Variants in KCNQ1 observed in about 807,000 individuals in gnomAD.
KCNQ1 encodes the protein potassium voltage-gated channel subfamily Q member 1, also known as potassium voltage-gated channel subfamily KQT member 1.
A neutral mutation model predicts 72.4 loss-of-function variants in KCNQ1; 49 were observed. The ratio of observed to expected loss-of-function variants is 0.68; its 90% CI spans 0.54 to 0.86. The LOEUF (loss-of-function observed/expected upper bound fraction) is 0.86. Among genes scored for constraint, KCNQ1 ranks in the 40% least tolerant of loss-of-function variants. KCNQ1 has a pLI of 0.00. For missense variants in KCNQ1, 790 were observed against 945.1 expected (o/e 0.84, Z 2.15); for synonymous variants, 450 against 412.6 (o/e 1.09, Z -1.10).
chr11:2,461,739 T>C (rs1374604807), intron 1 of KCNQ1: 2 of 1,365,062 alleles, frequency 1.5e-6, no homozygotes, highest in Admixed American at 1.9e-5. Context: ...GGTGGACAGA[T>C]AGGCAGAGGA....
chr11:2,658,550 G>T lies in KCNQ1; in HGVS notation c.1394-3411G>T. ...CTCATCTTTTATTTTCCCTACCCTA[G>T]CCCTAGAATCATCCATTCATCCAGA... On this transcript the variant is annotated intron_variant, in intron 10 of 15. Coordinates refer to ENST00000155840, the MANE Select transcript of KCNQ1 (RefSeq NM_000218.3). This position sits in a 1 kb window ranked among gnomAD's most constrained non-coding sequence, Gnocchi z 4.9. 2.6e-6 allele frequency: 1 copy of T among 387,186 alleles called. No homozygotes were observed. The highest frequency in any genetic ancestry group is 3.7e-5 in the East Asian group (1 of 27,318). The allele number at this position is 387,186 out of a possible 1,614,324, so 24.0% of individuals were successfully genotyped here. A position where few individuals can be genotyped will look rare whatever the true frequency, so the allele number is the denominator to read the frequency against.
chr11:2,689,305 C>T (rs1850549130), intron 11 of KCNQ1: 1 of 398,564 alleles, frequency 2.5e-6, no homozygotes, highest in Non-Finnish European at 4.4e-6. Context: ...CCCTAAGACT[C>T]AATGCCACCT....
intron 11 of KCNQ1, among the ~76,000 whole-genome samples, chr11:2,718,655 C>T (rs1007213442): frequency 2.6e-5 from 4 of 152,208 alleles, no homozygotes; most frequent in African/African-American, 9.7e-5. Context: ...CCCCAGCTGG[C>T]TCCGTACTAG....
At chr11:2,699,567 G>A (rs919259318) in intron 11 of KCNQ1, 15 of 307,018 alleles carry the variant, frequency 4.9e-5, no homozygotes, top group Non-Finnish European at 7.7e-5. Flanking sequence ...GGAGAACCAT[G>A]CTGAGGAGCC....
At chr11:2,607,365 ATG>A (rs762001518) in intron 10 of KCNQ1, among the ~76,000 whole-genome samples, 24 of 152,214 alleles carry the variant, frequency 1.6e-4, no homozygotes, top group East Asian at 1.5e-3. Context: ...TATAGACTGA[ATG>A]TGTGTGTTTC....
intron 15 of KCNQ1, among the ~76,000 whole-genome samples, chr11:2,795,472 A>G (rs757987843): frequency 1.3e-5 from 2 of 152,364 alleles, no homozygotes; most frequent in Middle Eastern, 3.4e-3. Flanking sequence ...ACCCAGTCAC[A>G]GAGCAATTGC....
At chr11:2,619,200 T>C (rs1481598298) in intron 10 of KCNQ1, 2 of 398,446 alleles carry the variant, frequency 5.0e-6, no homozygotes, top group African/African-American at 2.1e-5. Context: ...GTACTAGTAC[T>C]TCCAGTACTA....
Position 2,642,978 on chromosome 11 carries a change from C to G in KCNQ1, c.1394-18983C>G, listed in dbSNP as rs2133832039. The stretch of plus-strand genomic sequence containing the variant: ...TATTTATACAGTTTTGAATGCTCCT[C>G]TTATTTATTTATAGTTTTATGCTAT... On this transcript the variant is annotated intron_variant, in intron 10 of 15. Coordinates refer to ENST00000155840, the MANE Select transcript of KCNQ1 (RefSeq NM_000218.3). The surrounding 1 kb of genome is among the most constrained non-coding windows in gnomAD (Gnocchi z 4.3). 2.5e-6 allele frequency: 1 copy of G among 397,824 alleles called. No individual in the cohort carries two copies. Among genetic ancestry groups the G allele is most frequent in the South Asian group, 1.3e-4 (1 of 7,840 alleles). The allele number at this position is 397,824 out of a possible 1,614,324, so 24.6% of individuals were successfully genotyped here.
chr11:2,610,716 CTTTTTTTTTTTT>C (rs1167505141), intron 10 of KCNQ1: 3,489 of 226,484 alleles, frequency 0.015, no homozygotes, highest in Middle Eastern at 0.028. Flanking sequence ...TCTTGGTTGG[CTTTTTTTTTTTT>C]TTTTTTTTTT....
In KCNQ1 at chr11:2,701,849, C is replaced by T. The variant is rs372926417; in HGVS notation, c.1514+39768C>T. On this transcript the variant is annotated intron_variant, in intron 11 of 15. Transcript: ENST00000155840. The stretch of plus-strand genomic sequence containing the variant: ...AGTCCTGACCCTGGCCTGGACTCTG[C>T]AATGCAGAGATACCTGCAAGTCTCA... Among the ~76,000 whole-genome samples the T allele has an allele frequency of 3.3e-4, 50 of 152,316 alleles. 1 individual carries two copies. The highest frequency in any genetic ancestry group is 2.1e-3 in the East Asian group (11 of 5,182).
At chr11:2,794,066 G>A (rs993944655) in intron 15 of KCNQ1, among the ~76,000 whole-genome samples, 2 of 152,200 alleles carry the variant, frequency 1.3e-5, no homozygotes, top group African/African-American at 4.8e-5. Flanking sequence ...AGGCAGAGCT[G>A]GTGAGCGAGG....
intron 11 of KCNQ1, chr11:2,666,609 A>G: frequency 2.5e-6 from 1 of 398,678 alleles, no homozygotes; most frequent in African/African-American, 2.1e-5. Flanking sequence ...AATAAGGGCA[A>G]ACGTCACAAG....
At position 2,750,035 on chromosome 11, in the gene KCNQ1, G is replaced by T. The variant is rs1564880888; in HGVS notation, c.1515-18809G>T. On this transcript the variant is annotated intron_variant, in intron 11 of 15. Transcript: ENST00000155840. The surrounding 1 kb of genome is among the most constrained non-coding windows in gnomAD (Gnocchi z 6.3). ...TTGTGTGTAAATGAGTGAAAATGGG[G>T]TGAGAGGGAGGGAGTGGGAACAGCC... Among the ~76,000 whole-genome samples the T allele has an allele frequency of 6.6e-6, 1 of 152,138 alleles. No homozygotes were observed. Among genetic ancestry groups the T allele is most frequent in the African/African-American group, 2.4e-5 (1 of 41,410 alleles).
At position 2,734,612 on chromosome 11, in the gene KCNQ1, C is replaced by T. The variant is rs368249590; in HGVS notation, c.1515-34232C>T. ...TGGGTGGGGGATAACAGGGGTTTTC[C>T]GAGGCCCTGAAGGACTGGAGAGTAG... On this transcript the variant is annotated intron_variant, in intron 11 of 15. Coordinates refer to ENST00000155840, the MANE Select transcript of KCNQ1 (RefSeq NM_000218.3). The surrounding 1 kb of genome is among the most constrained non-coding windows in gnomAD (Gnocchi z 7.0). Among the ~76,000 whole-genome samples the T allele has an allele frequency of 6.7e-5, 10 of 150,064 alleles. No homozygotes were observed. The highest frequency in any genetic ancestry group is 1.3e-4 in the Admixed American group (2 of 14,962).
In KCNQ1 at chr11:2,479,559, G is replaced by A. The variant is rs1226879593; in HGVS notation, c.386+34075G>A. ...CTATGGCTAGAGCGGCTGGGACACAGGGCACCAAGTCCCTAGGCTGCACAC... is the reference window on the plus strand; with the variant it reads ...CTATGGCTAGAGCGGCTGGGACACAAGGCACCAAGTCCCTAGGCTGCACAC... On this transcript the variant is annotated intron_variant, in intron 1 of 15. Transcript: ENST00000155840. This position sits in a 1 kb window ranked among gnomAD's most constrained non-coding sequence, Gnocchi z 4.6. Among the ~76,000 whole-genome samples the A allele has an allele frequency of 6.6e-6, 1 of 152,200 alleles. No individual in the cohort carries two copies. The highest frequency in any genetic ancestry group is 2.4e-5 in the African/African-American group (1 of 41,450).
chr11:2,666,978 C>T (rs941144941), intron 11 of KCNQ1: 18 of 398,614 alleles, frequency 4.5e-5, no homozygotes, highest in Middle Eastern at 6.2e-4. Flanking sequence ...GGGGCCCGCC[C>T]GGGAGGGCTG....
intron 15 of KCNQ1, among the ~76,000 whole-genome samples, chr11:2,806,247 C>T (rs1847370820): frequency 6.6e-6 from 1 of 152,128 alleles, no homozygotes; most frequent in Admixed American, 6.5e-5. Flanking sequence ...GTGGTTCTTA[C>T]CTCCATAACA....
rs903640384 is a variant in KCNQ1 at position 2,663,108 on chromosome 11, A to G, written c.1514+1027A>G. 5.0e-6 allele frequency: 2 copies of G among 398,544 alleles called. No homozygotes were observed. Among genetic ancestry groups the G allele is most frequent in the African/African-American group, 2.1e-5 (1 of 48,600 alleles). The allele number at this position is 398,544 out of a possible 1,614,324, so 24.7% of individuals were successfully genotyped here. On this transcript the variant is annotated intron_variant, in intron 11 of 15. Coordinates refer to ENST00000155840, the MANE Select transcript of KCNQ1 (RefSeq NM_000218.3). The surrounding 1 kb of genome is among the most constrained non-coding windows in gnomAD (Gnocchi z 5.2). ...GGCCACCTCCAGGGAAGGAGTGGCT[A>G]TCTTAAGGGGTAATTATGATCAGAC...
Position 2,661,807 on chromosome 11 carries a change from C to T in KCNQ1, c.1394-154C>T, listed in dbSNP as rs1490786693. ...GGGGCCATCTTAAACACCCACCCAC[C>T]CCAACACCCAACTATAAAACTGATT... On this transcript the variant is annotated intron_variant, in intron 10 of 15. Coordinates refer to ENST00000155840, the MANE Select transcript of KCNQ1 (RefSeq NM_000218.3). This position sits in a 1 kb window ranked among gnomAD's most constrained non-coding sequence, Gnocchi z 5.9. The T allele has an allele frequency of 1.1e-6, 1 of 908,852 alleles. No individual in the cohort carries two copies. Among genetic ancestry groups the T allele is most frequent in the Admixed American group, 2.0e-5 (1 of 50,160 alleles). 56.3% of individuals were successfully genotyped at this position (908,852 alleles called of 1,614,324 possible). A position where few individuals can be genotyped will look rare whatever the true frequency, so the allele number is the denominator to read the frequency against.
Sources: gnomAD v4.1 joint callset for allele counts (sites outside exome capture counted in the v4.1 genomes callset) on GRCh38, gnomAD v4.1.1 for gene constraint, Gnocchi (gnomAD v3.1) non-coding constraint, MANE v1.5 for transcripts, NCBI Gene and HGNC (gene_info 2026-07-23, HGNC 2026-07-21) for gene names.